ANGPTL6: variants seen among roughly 807,000 people sequenced by gnomAD.
ANGPTL6 encodes angiopoietin like 6, also known as angiopoietin-related protein 6.
In ANGPTL6, 45 loss-of-function variants were observed where a neutral mutation model predicts 47.4. The ratio of observed to expected loss-of-function variants is 0.95; its 90% confidence interval spans 0.75 to 1.22. The LOEUF is 1.22. ANGPTL6 is among the 50% of genes most tolerant of loss of function. ANGPTL6 has a pLI of 0.00. For missense variants in ANGPTL6, 698 were observed against 669.4 expected, an observed-to-expected ratio of 1.04 and a Z score of -0.47; for synonymous variants, 290 against 295.9, an observed-to-expected ratio of 0.98 and a Z score of 0.20.
chr19:10,093,895 A>T lies in ANGPTL6; in HGVS notation c.764-15T>A. ...CTGCCACGGGCCTGTGGGCACAGGG[A>T]TAGGGGGGAGGCACAGCCTGGGCTG... On this transcript the variant is annotated splice_polypyrimidine_tract_variant and intron_variant, in intron 3 of 5. Coordinates refer to ENST00000253109, the MANE Select transcript of ANGPTL6 (RefSeq NM_031917.3). 6.2e-7 allele frequency: 1 copy of T among 1,604,974 alleles called. No individual in the cohort carries two copies. Among genetic ancestry groups the T allele is most frequent in the Non-Finnish European group, 8.5e-7 (1 of 1,179,682 alleles).
In ANGPTL6 at chr19:10,096,589, G is replaced by A. The variant is rs896835993; in HGVS notation, c.-10-16C>T. On this transcript the variant is annotated splice_polypyrimidine_tract_variant and intron_variant, in intron 1 of 5. Transcript: ENST00000253109. The stretch of plus-strand genomic sequence containing the variant: ...CGCGGCGGACCTGCAGGCAGAGGAG[G>A]AACGGAAGGAAGACGGGGTGCTGGG... 5 of 1,470,310 alleles carry A rather than the reference G, an allele frequency of 3.4e-6. No individual in the cohort carries two copies. In the African/African-American group the frequency reaches 5.9e-5, roughly 17 times the overall value. The allele number at this position is 1,470,310 out of a possible 1,614,324, so 91.1% of individuals were successfully genotyped here.
In ANGPTL6 at chr19:10,093,049, TC is replaced by T; in HGVS notation, c.1223-271del. 10 of 491,916 alleles carry T rather than the reference TC, an allele frequency of 2.0e-5. No homozygotes were observed. In the South Asian group the frequency reaches 4.2e-4, roughly 21 times the overall value. The allele number at this position is 491,916 out of a possible 1,614,324, so 30.5% of individuals were successfully genotyped here. A position where few individuals can be genotyped will look rare whatever the true frequency, so the allele number is the denominator to read the frequency against. ...TGCAAACTAGGAGTCTACCGTTCATTCCTTTATCAAAGAAAAGTATCTACTT... is the reference window on the plus strand; with the variant it reads ...TGCAAACTAGGAGTCTACCGTTCATTCTTTATCAAAGAAAAGTATCTACTT... On this transcript the variant is annotated intron_variant, in intron 5 of 5. Transcript: ENST00000253109.
intron 1 of ANGPTL6, among the ~76,000 whole-genome samples, chr19:10,098,038 C>T (rs929995501): frequency 2.7e-5 from 4 of 149,106 alleles, no homozygotes; most frequent in Non-Finnish European, 5.9e-5. Flanking sequence ...ACTGCAAGTG[C>T]ACAGAACCAC....
chr19:10,096,378 C>A lies in ANGPTL6; in HGVS notation c.186G>T (p.Leu62=). Residue 62 remains leucine (L), a synonymous_variant, in exon 2 of 6, where the codon CTG becomes CTT. Transcript: ENST00000253109. ...ATPEAANASE[L]AALRMRVGRH... ...GGCCGACGCGCATGCGCAGCGCCGC[C>A]AGCTCGCTGGCGTTGGCGGCCTCGG... 1 of 1,298,718 alleles carries A rather than the reference C, an allele frequency of 7.7e-7. No homozygotes were observed. The highest frequency in any genetic ancestry group is 9.7e-7 in the Non-Finnish European group (1 of 1,028,032). The allele number at this position is 1,298,718 out of a possible 1,614,324, so 80.4% of individuals were successfully genotyped here. A position where few individuals can be genotyped will look rare whatever the true frequency, so the allele number is the denominator to read the frequency against.
upstream of ANGPTL6, among the ~76,000 whole-genome samples, chr19:10,104,246 C>T (rs903870830): frequency 1.3e-4 from 19 of 151,552 alleles, no homozygotes; most frequent in African/African-American, 4.6e-4. Context: ...GATCTGATAT[C>T]CTGGACAGTA....
At chr19:10,097,935 A>C (rs1430270679) in intron 1 of ANGPTL6, among the ~76,000 whole-genome samples, 2 of 150,420 alleles carry the variant, frequency 1.3e-5, no homozygotes, top group African/African-American at 4.9e-5. Flanking sequence ...TTAAGGCGGG[A>C]AGACTGCTTG....
chr19:10,103,624 TAATA>T (rs1555757143), upstream of ANGPTL6, among the ~76,000 whole-genome samples: 3 of 126,108 alleles, frequency 2.4e-5, no homozygotes, highest in East Asian at 5.9e-4. Flanking sequence ...AATAAATAAA[TAATA>T]AATAAATAAT....
intron 2 of ANGPTL6, among the ~76,000 whole-genome samples, chr19:10,095,758 A>G (rs2088513089): frequency 6.6e-6 from 1 of 152,196 alleles, no homozygotes; most frequent in African/African-American, 2.4e-5. Context: ...CGTGATAATG[A>G]TATGTTTAAT....
upstream of ANGPTL6, among the ~76,000 whole-genome samples, chr19:10,105,802 G>A (rs745373031): frequency 8.9e-4 from 135 of 152,310 alleles, 1 homozygote; most frequent in Admixed American, 6.5e-4. Flanking sequence ...GGCTTTGAGC[G>A]GAAAGAAGGA....
upstream of ANGPTL6, among the ~76,000 whole-genome samples, chr19:10,104,219 C>G (rs1479305461): frequency 6.6e-6 from 1 of 151,308 alleles, no homozygotes; most frequent in African/African-American, 2.4e-5. Flanking sequence ...ACACCAGAGA[C>G]CTTGGATTTG....
rs59730305 is a variant in ANGPTL6 at position 10,096,931 on chromosome 19, C to CA, written c.-10-359dup. ...CAACATGGGGAGACCCCTGTCTCTA[C>CA]AAAAAAAAAAAAAAAAAATTAGACA... On this transcript the variant is annotated intron_variant, in intron 1 of 5. Transcript: ENST00000253109. Among the ~76,000 whole-genome samples the CA allele has an allele frequency of 9.7e-3, 1,157 of 118,692 alleles. 4 individuals are homozygous for CA. The highest frequency in any genetic ancestry group is 0.014 in the Admixed American group (162 of 11,704). 77.9% of individuals were successfully genotyped at this position (118,692 alleles called of 152,430 possible).
chr19:10,102,818 C>T (rs753087281), upstream of ANGPTL6: 64 of 965,242 alleles, frequency 6.6e-5, 1 homozygote, highest in African/African-American at 8.8e-5. Context: ...AATTGCCAGA[C>T]CCCCCTGCCC....
rs1271967962 is a variant in ANGPTL6 at position 10,096,071 on chromosome 19, G to A, written c.493C>T (p.Arg165Cys). 1.3e-6 allele frequency: 2 copies of A among 1,485,408 alleles called. No individual in the cohort carries two copies. Among genetic ancestry groups the A allele is most frequent in the African/African-American group, 1.4e-5 (1 of 69,156 alleles). The allele number at this position is 1,485,408 out of a possible 1,614,324, so 92.0% of individuals were successfully genotyped here. A position where few individuals can be genotyped will look rare whatever the true frequency, so the allele number is the denominator to read the frequency against. The change falls in exon 2 of 6, where the codon CGC (arginine) becomes TGC (cysteine). Residue 165 changes from arginine to cysteine, a missense_variant. Coordinates refer to ENST00000253109, the MANE Select transcript of ANGPTL6 (RefSeq NM_031917.3). ...ARFHQLDVKF[R>C]ELAQLVTQQS... ...TGGGTGACGAGCTGCGCCAGCTCGC[G>A]GAACTTGACGTCCAGCTGGTGGAAC...
At chr19:10,103,366 G>A (rs2088728100), upstream of ANGPTL6, among the ~76,000 whole-genome samples, 1 of 151,712 alleles carries the variant, frequency 6.6e-6, no homozygotes, top group African/African-American at 2.4e-5. Flanking sequence ...GGGGCAGGTG[G>A]ATTACCTGAG....
chr19:10,102,452 G>T, intron 1 of ANGPTL6, 116 bp downstream of exon 1: 1 of 622,384 alleles, frequency 1.6e-6, no homozygotes. Flanking sequence ...AACACCCGCT[G>T]CCTTTTACAC....
At chr19:10,093,295 A>C in intron 5 of ANGPTL6, 54 bp downstream of exon 5, 2 of 1,570,550 alleles carry the variant, frequency 1.3e-6, no homozygotes, top group Non-Finnish European at 1.7e-6. Flanking sequence ...TTCCCTCACC[A>C]GAACAGGAGT....
chr19:10,099,445 C>T (rs1450827056), intron 1 of ANGPTL6, among the ~76,000 whole-genome samples: 3 of 151,822 alleles, frequency 2.0e-5, no homozygotes, highest in African/African-American at 4.8e-5. Context: ...GGCGTGGTGG[C>T]GGCTGCCTGT....
Position 10,102,516 on chromosome 19 carries a change from G to A in ANGPTL6, c.-11+52C>T, listed in dbSNP as rs2088708261. ...GGGGCCCCCAAGCCAAGCTGTGGTC[G>A]GAGTTTCCCCACAGTGAGAATCAAC... On this transcript the variant is annotated intron_variant, in intron 1 of 5. Transcript: ENST00000253109. 3.0e-5 allele frequency: 29 copies of A among 976,244 alleles called. No homozygotes were observed. The South Asian group carries it at 1.2e-3, about 40-fold the overall frequency. 60.5% of individuals were successfully genotyped at this position (976,244 alleles called of 1,614,324 possible).
upstream of ANGPTL6, among the ~76,000 whole-genome samples, chr19:10,105,086 C>T (rs1248654944): frequency 2.6e-5 from 4 of 152,224 alleles, no homozygotes; most frequent in South Asian, 4.1e-4. Context: ...ACCAGCCACA[C>T]GCCGGGAGAG....
Sources: allele counts gnomAD v4.1 joint callset (sites outside exome capture counted in the v4.1 genomes callset), GRCh38; gene constraint gnomAD v4.1.1; transcripts MANE v1.5; gene names NCBI Gene and HGNC (gene_info 2026-07-23, HGNC 2026-07-21).